The following ABTB2 variants were observed in gnomAD, a reference collection of about 807,000 sequenced individuals.
The protein encoded by ABTB2 is ankyrin repeat and BTB/POZ domain-containing protein 2.
In ABTB2, 56 loss-of-function variants were observed where a neutral mutation model predicts 104.1. The observed-to-expected ratio is 0.54, with a 90% confidence interval of 0.43 to 0.67. The LOEUF (loss-of-function observed/expected upper bound fraction) is 0.67. ABTB2 is among the 30% of genes least tolerant of loss of function. The pLI is 0.00. For synonymous variants in ABTB2, 606 were observed against 608.2 expected (o/e 1.00, Z 0.05); for missense variants, 1,279 against 1,407.7 (o/e 0.91, Z 1.46).
intron 1 of ABTB2, among the ~76,000 whole-genome samples, chr11:34,292,012 A>G (rs1192833058): frequency 6.6e-6 from 1 of 152,162 alleles, no homozygotes; most frequent in Non-Finnish European, 1.5e-5. Flanking sequence ...TTAAAACATA[A>G]GCCATATATA....
In ABTB2 at chr11:34,154,218, G is replaced by A; in HGVS notation, c.2880+47C>T. 2 of 1,469,130 alleles carry A rather than the reference G, an allele frequency of 1.4e-6. No homozygotes were observed. The highest frequency in any genetic ancestry group is 1.9e-6 in the Non-Finnish European group (2 of 1,051,392). 91.0% of individuals were successfully genotyped at this position (1,469,130 alleles called of 1,614,324 possible). A position where few individuals can be genotyped will look rare whatever the true frequency, so the allele number is the denominator to read the frequency against. On this transcript the variant is annotated intron_variant, in intron 16 of 16. Coordinates refer to ENST00000435224, the MANE Select transcript of ABTB2 (RefSeq NM_145804.3). The surrounding 1 kb of genome is among the most constrained non-coding windows in gnomAD (Gnocchi z 4.9). ...GCCACACGGCCGAGGCCCCCGTGGA[G>A]CAGAGCATGTGGTGGGAGGTGGCCA... is the stretch of plus-strand genomic sequence containing the variant.
intron 1 of ABTB2, among the ~76,000 whole-genome samples, chr11:34,329,906 T>C (rs905271259): frequency 6.6e-6 from 1 of 152,232 alleles, no homozygotes; most frequent in African/African-American, 2.4e-5. Flanking sequence ...AGCTACTTTA[T>C]GGTTTCTTAG....
At chr11:34,255,360 G>T (rs970570545) in intron 1 of ABTB2, among the ~76,000 whole-genome samples, 3 of 152,124 alleles carry the variant, frequency 2.0e-5, no homozygotes, top group Admixed American at 6.5e-5. Context: ...AGCAGAGAAC[G>T]GTACAGACAG....
At chr11:34,155,789 C>T (rs1030629052) in intron 14 of ABTB2, among the ~76,000 whole-genome samples, 1 of 152,232 alleles carries the variant, frequency 6.6e-6, no homozygotes, top group African/African-American at 2.4e-5. Flanking sequence ...GAAGCTCCCA[C>T]GGCCTTCTGC....
intron 1 of ABTB2, among the ~76,000 whole-genome samples, chr11:34,261,573 C>T (rs1053004155): frequency 1.5e-4 from 23 of 151,860 alleles, no homozygotes; most frequent in African/African-American, 5.6e-4. Flanking sequence ...CAATGATTGG[C>T]TTCCCACCTT....
intron 1 of ABTB2, among the ~76,000 whole-genome samples, chr11:34,286,450 A>G (rs1287375939): frequency 6.6e-6 from 1 of 151,498 alleles, no homozygotes; most frequent in African/African-American, 2.4e-5. Context: ...CCGCCACCAC[A>G]CCCAGCTAAT....
chr11:34,276,752 G>A (rs1182841341), intron 1 of ABTB2, among the ~76,000 whole-genome samples: 1 of 152,176 alleles, frequency 6.6e-6, no homozygotes, highest in Non-Finnish European at 1.5e-5. Context: ...AATAAACAAG[G>A]TGCGCTGCTG....
At chr11:34,233,653 CT>C (rs11285170) in intron 1 of ABTB2, among the ~76,000 whole-genome samples, 141,158 of 149,790 alleles carry the variant, frequency 0.94, 66,680 homozygotes, top group East Asian at 0.99. Context: ...CCTGGCCCAC[CT>C]TTTTTTTTTT....
In ABTB2 at chr11:34,152,185, C is replaced by T. The variant is rs997925317; in HGVS notation, c.*202G>A. ...GAGGGCCACCAGTTAGCTACATCTCCCCTTTGCCCATCAGTGATTGAACAA... is the reference window on the plus strand; with the variant it reads ...GAGGGCCACCAGTTAGCTACATCTCTCCTTTGCCCATCAGTGATTGAACAA... On this transcript the variant is annotated 3_prime_UTR_variant, in exon 17 of 17. Transcript: ENST00000435224. 1.1e-5 allele frequency: 7 copies of T among 613,054 alleles called. No individual in the cohort carries two copies. The highest frequency in any genetic ancestry group is 9.1e-5 in the Admixed American group (3 of 33,082). The allele number at this position is 613,054 out of a possible 1,614,324, so 38.0% of individuals were successfully genotyped here. A position where few individuals can be genotyped will look rare whatever the true frequency, so the allele number is the denominator to read the frequency against.
At chr11:34,202,534 T>C (rs1351097682) in intron 2 of ABTB2, among the ~76,000 whole-genome samples, 2 of 152,130 alleles carry the variant, frequency 1.3e-5, no homozygotes, top group Non-Finnish European at 2.9e-5. Context: ...CACAACCCAA[T>C]TTAAGCTTTA....
chr11:34,271,732 C>G (rs868567043), intron 1 of ABTB2, among the ~76,000 whole-genome samples: 6 of 145,518 alleles, frequency 4.1e-5, no homozygotes, highest in African/African-American at 1.6e-4. Context: ...GACCCTATCT[C>G]AAATACATAC....
At chr11:34,233,581 T>G (rs939447641) in intron 1 of ABTB2, among the ~76,000 whole-genome samples, 1 of 152,078 alleles carries the variant, frequency 6.6e-6, no homozygotes, top group Non-Finnish European at 1.5e-5. Flanking sequence ...CTTGAAATCC[T>G]GGGCTCAAGC....
At chr11:34,158,829 C>A (rs1008496669) in intron 14 of ABTB2, among the ~76,000 whole-genome samples, 4 of 152,238 alleles carry the variant, frequency 2.6e-5, no homozygotes, top group African/African-American at 9.6e-5. Flanking sequence ...GGGTTTGATG[C>A]TTGGGAGAAG....
At chr11:34,187,154 G>A (rs954172183) in intron 3 of ABTB2, among the ~76,000 whole-genome samples, 2 of 152,178 alleles carry the variant, frequency 1.3e-5, no homozygotes, top group African/African-American at 4.8e-5. Context: ...AGAGAGCTGT[G>A]TACTAAACAA....
intron 1 of ABTB2, among the ~76,000 whole-genome samples, chr11:34,239,630 G>T (rs562116234): frequency 1.3e-5 from 2 of 152,244 alleles, no homozygotes; most frequent in African/African-American, 4.8e-5. Context: ...CACCCGGCCT[G>T]TCTCTGCCTT....
intron 1 of ABTB2, among the ~76,000 whole-genome samples, chr11:34,346,411 A>T (rs1180000582): frequency 6.6e-6 from 1 of 152,180 alleles, no homozygotes; most frequent in Non-Finnish European, 1.5e-5. Context: ...GCAGCTGTCA[A>T]GCACTGAAGC....
chr11:34,313,330 G>A (rs999156541), intron 1 of ABTB2, among the ~76,000 whole-genome samples: 2 of 152,164 alleles, frequency 1.3e-5, no homozygotes, highest in Non-Finnish European at 2.9e-5. Context: ...GCCGGCTCCC[G>A]AGCACCTCAG....
intron 2 of ABTB2, among the ~76,000 whole-genome samples, chr11:34,204,243 C>T (rs1410139655): frequency 6.6e-6 from 1 of 152,170 alleles, no homozygotes; most frequent in Non-Finnish European, 1.5e-5. Flanking sequence ...AGGTCTGTGG[C>T]AAAGTGGGGA....
At chr11:34,272,336 C>T (rs1177834400) in intron 1 of ABTB2, among the ~76,000 whole-genome samples, 2 of 147,768 alleles carry the variant, frequency 1.4e-5, no homozygotes, top group African/African-American at 5.1e-5. Flanking sequence ...ACAGAAAGGT[C>T]CTGTGTATTC....
Sources: allele counts gnomAD v4.1 joint callset (sites outside exome capture counted in the v4.1 genomes callset), GRCh38; gene constraint gnomAD v4.1.1; non-coding constraint Gnocchi (gnomAD v3.1); transcripts MANE v1.5; gene names NCBI Gene and HGNC (gene_info 2026-07-23, HGNC 2026-07-21).